CSMD1: variants seen among roughly 807,000 people sequenced by gnomAD.
CSMD1 encodes the protein CUB and Sushi multiple domains 1, also known as CUB and sushi domain-containing protein 1.
CSMD1 carries 213 observed loss-of-function variants against 417.5 expected under a neutral mutation model. The observed-to-expected ratio is 0.51, with a 90% CI of 0.46 to 0.57. The LOEUF is 0.57. Ranked by LOEUF, CSMD1 falls within the 20% of genes least tolerant of loss-of-function variation. CSMD1 has a pLI of 0.00. For synonymous variants in CSMD1, 2,862 were observed against 1,736.8 expected (o/e 1.65, Z -16.11); for missense variants, 6,923 against 4,529.7 (o/e 1.53, Z -15.17).
At chr8:4,834,825 T>C (rs6558920) in intron 1 of CSMD1, among the ~76,000 whole-genome samples, 128,105 of 150,872 alleles carry the variant, frequency 0.85, 56,357 homozygotes, top group East Asian at 0.98. Flanking sequence ...GGCGTGGTGG[T>C]GGGCGCCTGT....
chr8:4,713,975 T>C (rs915383601), intron 1 of CSMD1, among the ~76,000 whole-genome samples: 21 of 152,044 alleles, frequency 1.4e-4, no homozygotes, highest in African/African-American at 4.8e-4. Flanking sequence ...TAAAACCCCG[T>C]CTCCACTAAA....
At chr8:3,956,117 T>C (rs1811927347) in intron 5 of CSMD1, among the ~76,000 whole-genome samples, 1 of 152,208 alleles carries the variant, frequency 6.6e-6, no homozygotes, top group Non-Finnish European at 1.5e-5. Context: ...CTAACCCTTT[T>C]AAGTTCTGAC....
At chr8:3,958,840 T>A (rs888519754) in intron 5 of CSMD1, among the ~76,000 whole-genome samples, 1 of 152,316 alleles carries the variant, frequency 6.6e-6, no homozygotes, top group East Asian at 1.9e-4. Flanking sequence ...GGAAATTGTG[T>A]AGTAGGTGAA....
chr8:4,775,462 G>C (rs951790165), intron 1 of CSMD1, among the ~76,000 whole-genome samples: 2 of 152,152 alleles, frequency 1.3e-5, no homozygotes, highest in Non-Finnish European at 2.9e-5. Flanking sequence ...ACTTCAATTA[G>C]AAATTAAGAT....
At chr8:4,768,362 C>T (rs745499000) in intron 1 of CSMD1, among the ~76,000 whole-genome samples, 11 of 152,136 alleles carry the variant, frequency 7.2e-5, no homozygotes, top group Non-Finnish European at 1.5e-4. Flanking sequence ...ACAAGTCCAT[C>T]AAAGCTTCCT....
intron 26 of CSMD1, among the ~76,000 whole-genome samples, chr8:3,256,928 A>C (rs564655497): frequency 2.6e-5 from 4 of 152,274 alleles, no homozygotes; most frequent in Non-Finnish European, 5.9e-5. Context: ...TTAACTAACA[A>C]AATTTTACAT....
intron 10 of CSMD1, among the ~76,000 whole-genome samples, chr8:3,509,967 G>C (rs73503612): frequency 0.036 from 5,494 of 152,198 alleles, 324 homozygotes; most frequent in African/African-American, 0.12. Flanking sequence ...TTCTTACTTG[G>C]TAAGTGTGTC....
chr8:4,225,108 C>T (rs972720322), intron 3 of CSMD1, among the ~76,000 whole-genome samples: 1 of 152,034 alleles, frequency 6.6e-6, no homozygotes, highest in African/African-American at 2.4e-5. Context: ...TGAGACTCCA[C>T]CTCAAAAAAA....
intron 1 of CSMD1, among the ~76,000 whole-genome samples, chr8:4,847,395 T>C (rs940634164): frequency 6.6e-6 from 1 of 152,194 alleles, no homozygotes. Context: ...TAAATCTTTT[T>C]CAATAAATTT....
intron 2 of CSMD1, among the ~76,000 whole-genome samples, chr8:4,502,048 T>C (rs1242233794): frequency 6.6e-6 from 1 of 152,116 alleles, no homozygotes; most frequent in Non-Finnish European, 1.5e-5. Context: ...AACAATTATG[T>C]CCACAAACAA....
intron 2 of CSMD1, among the ~76,000 whole-genome samples, chr8:4,591,488 G>C (rs567670403): frequency 6.6e-6 from 1 of 152,292 alleles, no homozygotes; most frequent in African/African-American, 2.4e-5. Flanking sequence ...CTGTAAACCT[G>C]CATGGTAGGT....
chr8:3,598,982 G>A (rs985979511), intron 8 of CSMD1, among the ~76,000 whole-genome samples: 2 of 152,290 alleles, frequency 1.3e-5, no homozygotes, highest in African/African-American at 4.8e-5. Context: ...TCAGGAGGCT[G>A]AGAGAGGAGA....
intron 3 of CSMD1, among the ~76,000 whole-genome samples, chr8:4,139,895 G>C (rs2131011959): frequency 6.6e-6 from 1 of 151,116 alleles, no homozygotes; most frequent in East Asian, 1.9e-4. Context: ...AGCAAGGGTG[G>C]AAGGGAGGAC....
intron 5 of CSMD1, among the ~76,000 whole-genome samples, chr8:3,918,509 G>C (rs1375975729): frequency 6.6e-6 from 1 of 151,776 alleles, no homozygotes; most frequent in African/African-American, 2.4e-5. Context: ...ATATCTACTT[G>C]GGTTATTTGC....
At chr8:3,360,599 G>A (rs1362353619) in intron 20 of CSMD1, among the ~76,000 whole-genome samples, 2 of 152,234 alleles carry the variant, frequency 1.3e-5, no homozygotes, top group East Asian at 3.8e-4. Flanking sequence ...AAGAGTTTCA[G>A]AGAGAATCTT....
At chr8:4,047,916 T>C (rs1168697578) in intron 3 of CSMD1, among the ~76,000 whole-genome samples, 2 of 152,174 alleles carry the variant, frequency 1.3e-5, no homozygotes, top group African/African-American at 4.8e-5. Flanking sequence ...TGTAGTATTA[T>C]AAAAATTAGG....
intron 1 of CSMD1, among the ~76,000 whole-genome samples, chr8:4,956,507 A>T (rs1253527675): frequency 6.7e-6 from 1 of 148,920 alleles, no homozygotes; most frequent in African/African-American, 2.4e-5. Flanking sequence ...ATATGTTATC[A>T]TATACACACG....
chr8:3,738,081 T>C (rs1796614013), intron 6 of CSMD1, among the ~76,000 whole-genome samples: 1 of 152,228 alleles, frequency 6.6e-6, no homozygotes, highest in African/African-American at 2.4e-5. Flanking sequence ...ATTACTATAG[T>C]CTCTTTCCAT....
intron 7 of CSMD1, among the ~76,000 whole-genome samples, chr8:3,671,289 A>T (rs1306346368): frequency 4.1e-5 from 6 of 148,030 alleles, no homozygotes; most frequent in Non-Finnish European, 7.5e-5. Flanking sequence ...GCCTGGACAC[A>T]TCACAGGCAC....
Sources: allele counts gnomAD v4.1 joint callset (sites outside exome capture counted in the v4.1 genomes callset), GRCh38; gene constraint gnomAD v4.1.1; transcripts MANE v1.5; gene names NCBI Gene and HGNC (gene_info 2026-07-23, HGNC 2026-07-21).